The following FBLN2 variants were observed in gnomAD, a reference collection of about 807,000 sequenced individuals.
The protein encoded by FBLN2 is fibulin 2.
In FBLN2, 81 loss-of-function variants were observed where a neutral mutation model predicts 123.7. That is an observed-to-expected ratio of 0.65 (90% CI 0.55 to 0.79). The LOEUF (loss-of-function observed/expected upper bound fraction) is 0.79. Ranked by LOEUF, FBLN2 falls within the 30% of genes least tolerant of loss-of-function variation. FBLN2 has a pLI of 0.00. For missense variants in FBLN2, 1,603 were observed against 1,681.3 expected, an observed-to-expected ratio of 0.95 and a Z score of 0.81; for synonymous variants, 699 against 701.4, an observed-to-expected ratio of 1.00 and a Z score of 0.05.
At chr3:13,576,724 C>G (rs1363413330) in intron 2 of FBLN2, among the ~76,000 whole-genome samples, 1 of 151,784 alleles carries the variant, frequency 6.6e-6, no homozygotes, top group Non-Finnish European at 1.5e-5. Flanking sequence ...GGGGGATCCC[C>G]CCCCCCCGGG....
intron 6 of FBLN2, 32 bp from the exon 7 acceptor site, chr3:13,618,872 C>A (rs756752527): frequency 1.3e-6 from 2 of 1,567,126 alleles, no homozygotes; most frequent in Non-Finnish European, 1.7e-6. Flanking sequence ...TGAGACCTCC[C>A]TGCAACCCCC....
chr3:13,590,121 G>A (rs779410361), intron 2 of FBLN2, among the ~76,000 whole-genome samples: 14 of 152,128 alleles, frequency 9.2e-5, no homozygotes, highest in Admixed American at 2.0e-4. Flanking sequence ...TAACCCCATC[G>A]CTGCTGGAAA....
At chr3:13,609,687 G>GGGGGGGGGC in intron 4 of FBLN2, 45 bp downstream of exon 4, 1 of 463,680 alleles carries the variant, frequency 2.2e-6, no homozygotes, top group South Asian at 1.6e-5. Context: ...GGTGGGGCGG[G>GGGGGGGGGC]GCGGGAGGCT....
chr3:13,597,604 A>G (rs1168716411), intron 2 of FBLN2, among the ~76,000 whole-genome samples: 1 of 152,210 alleles, frequency 6.6e-6, no homozygotes, highest in East Asian at 1.9e-4. Context: ...GGCTGGCATC[A>G]TGTGGTCACA....
intron 1 of FBLN2, among the ~76,000 whole-genome samples, chr3:13,562,769 C>T (rs1703648504): frequency 6.6e-6 from 1 of 152,176 alleles, no homozygotes; most frequent in Non-Finnish European, 1.5e-5. Context: ...AAACTGTGTC[C>T]CCATTAAGCA....
intron 4 of FBLN2, among the ~76,000 whole-genome samples, chr3:13,610,158 C>G (rs759212775): frequency 1.3e-5 from 2 of 152,130 alleles, no homozygotes; most frequent in African/African-American, 2.4e-5. Flanking sequence ...TGCTTTCAGG[C>G]AGAGTGCAGC....
rs943680628 is a variant in FBLN2, at chr3:13,549,449, G to C, written c.-42+241G>C. Among the ~76,000 whole-genome samples the C allele has an allele frequency of 5.9e-5, 9 of 151,892 alleles. No homozygotes were observed. The East Asian group carries it at 1.6e-3, about 27-fold the overall frequency. On this transcript the variant is annotated intron_variant, in intron 1 of 17. Transcript: ENST00000404922. ...CAGATGCGGGCACAGAGGCCGGCGC[G>C]GGGTGGGGGCCAGGGGTCCGCGGGC...
intron 1 of FBLN2, among the ~76,000 whole-genome samples, chr3:13,564,952 G>T (rs1263685540): frequency 6.6e-6 from 1 of 152,218 alleles, no homozygotes; most frequent in Non-Finnish European, 1.5e-5. Context: ...GAGAGAGGCA[G>T]CTGGGGCCTG....
chr3:13,610,652 T>A (rs1366841373), intron 4 of FBLN2, among the ~76,000 whole-genome samples: 1 of 152,104 alleles, frequency 6.6e-6, no homozygotes, highest in Non-Finnish European at 1.5e-5. Flanking sequence ...CTACTAGAGC[T>A]CATGGTGGCC....
chr3:13,603,485 G>A (rs978339873), intron 2 of FBLN2, among the ~76,000 whole-genome samples: 4 of 148,156 alleles, frequency 2.7e-5, no homozygotes, highest in Non-Finnish European at 5.9e-5. Flanking sequence ...AGAACATGCA[G>A]TGTTGGTTTT....
intron 2 of FBLN2, among the ~76,000 whole-genome samples, chr3:13,581,702 G>A (rs916353365): frequency 6.6e-6 from 1 of 152,130 alleles, no homozygotes; most frequent in Non-Finnish European, 1.5e-5. Context: ...GGTCAGTTCA[G>A]TGGGTGCCCC....
At chr3:13,625,346 C>G (rs1030454760) in intron 9 of FBLN2, among the ~76,000 whole-genome samples, 6 of 152,176 alleles carry the variant, frequency 3.9e-5, no homozygotes, top group African/African-American at 1.4e-4. Flanking sequence ...TCTCCTCTCC[C>G]CAACTGCTTA....
intron 2 of FBLN2, among the ~76,000 whole-genome samples, chr3:13,594,563 C>T (rs956586852): frequency 3.9e-5 from 6 of 152,328 alleles, no homozygotes; most frequent in Admixed American, 1.3e-4. Context: ...CCCTTGGGCA[C>T]ATCACTCTGC....
intron 11 of FBLN2, 96 bp downstream of exon 11, chr3:13,628,065 C>A: frequency 6.9e-7 from 1 of 1,448,818 alleles, no homozygotes; most frequent in Non-Finnish European, 9.3e-7. Context: ...GGAGGCCTGG[C>A]TTGCTGCTCC....
At chr3:13,605,854 G>C (rs961156550) in intron 2 of FBLN2, among the ~76,000 whole-genome samples, 2 of 152,164 alleles carry the variant, frequency 1.3e-5, no homozygotes, top group Admixed American at 6.5e-5. Flanking sequence ...ACAGCACTAA[G>C]GGAGAAAAGG....
intron 16 of FBLN2, among the ~76,000 whole-genome samples, chr3:13,633,982 C>CACACACACACACACACACAG (rs1422667493): frequency 6.6e-6 from 1 of 151,520 alleles, no homozygotes; most frequent in Non-Finnish European, 1.5e-5. Flanking sequence ...CACACACACA[C>CACACACACACACACACACAG]ACACACACAC....
At chr3:13,637,396 A>G (rs754873320) in intron 17 of FBLN2, among the ~76,000 whole-genome samples, 166 bp from the exon 18 acceptor site, 1 of 152,188 alleles carries the variant, frequency 6.6e-6, no homozygotes, top group Non-Finnish European at 1.5e-5. Flanking sequence ...TCTCGCAGGC[A>G]AGGAAACTGA....
intron 2 of FBLN2, among the ~76,000 whole-genome samples, chr3:13,592,653 T>G (rs1262559840): frequency 6.6e-6 from 1 of 152,236 alleles, no homozygotes. Context: ...TGTTTTTATT[T>G]TCTTTTGGGA....
intron 4 of FBLN2, 47 bp downstream of exon 4, chr3:13,609,689 C>CCCCCG: frequency 7.0e-6 from 3 of 428,804 alleles, no homozygotes; most frequent in Non-Finnish European, 1.4e-5. Flanking sequence ...TGGGGCGGGG[C>CCCCCG]GGGAGGCTGG....
Sources: allele counts gnomAD v4.1 joint callset (sites outside exome capture counted in the v4.1 genomes callset), GRCh38; gene constraint gnomAD v4.1.1; transcripts MANE v1.5; gene names NCBI Gene and HGNC (gene_info 2026-07-23, HGNC 2026-07-21).